Variants in CNTN6 observed in about 807,000 individuals in gnomAD.
CNTN6 encodes contactin 6.
A neutral mutation model predicts 122.8 loss-of-function variants in CNTN6; 137 were observed. That is an observed-to-expected ratio of 1.12 (90% CI 0.97 to 1.29). The LOEUF (loss-of-function observed/expected upper bound fraction) is 1.29. Ranked by LOEUF, CNTN6 falls within the 50% of genes most tolerant of loss-of-function variation. The probability of loss-of-function intolerance (pLI) is 0.00; values close to 1 mark genes in which losing one functional copy is unlikely to be tolerated. For missense variants in CNTN6, 1,634 were observed against 1,223.4 expected, an observed-to-expected ratio of 1.34 and a Z score of -5.01; for synonymous variants, 570 against 426.0, an observed-to-expected ratio of 1.34 and a Z score of -4.16.
At chr3:1,304,491 C>G (rs1002184054) in intron 7 of CNTN6, among the ~76,000 whole-genome samples, 4 of 152,084 alleles carry the variant, frequency 2.6e-5, no homozygotes, top group African/African-American at 9.7e-5. Context: ...GAATTAACTT[C>G]TAAGTATCTG....
intron 2 of CNTN6, among the ~76,000 whole-genome samples, chr3:1,179,019 A>G (rs1026468800): frequency 2.0e-5 from 3 of 152,194 alleles, no homozygotes; most frequent in Non-Finnish European, 4.4e-5. Context: ...CTGTACAAGA[A>G]GCACGGTGCC....
At chr3:1,222,067 A>AT (rs1303823573) in intron 3 of CNTN6, among the ~76,000 whole-genome samples, 2 of 152,126 alleles carry the variant, frequency 1.3e-5, no homozygotes, top group African/African-American at 4.8e-5. Context: ...CTTATCTTGA[A>AT]TTTTTTTGAG....
At chr3:1,302,390 TA>T (rs1411251665) in intron 7 of CNTN6, among the ~76,000 whole-genome samples, 3 of 152,302 alleles carry the variant, frequency 2.0e-5, no homozygotes, top group South Asian at 2.1e-4. Flanking sequence ...TAAAATCAAA[TA>T]TTTTTTTCTT....
intron 2 of CNTN6, among the ~76,000 whole-genome samples, chr3:1,176,345 A>T (rs1383375072): frequency 6.6e-6 from 1 of 152,198 alleles, no homozygotes; most frequent in Non-Finnish European, 1.5e-5. Flanking sequence ...TGAACCTGGG[A>T]TGCAGAAGTT....
At chr3:1,261,031 C>G (rs1454137603) in intron 4 of CNTN6, among the ~76,000 whole-genome samples, 3 of 152,072 alleles carry the variant, frequency 2.0e-5, no homozygotes, top group African/African-American at 7.2e-5. Flanking sequence ...TCAGAGAACT[C>G]TATGTGCGAT....
intron 11 of CNTN6, among the ~76,000 whole-genome samples, chr3:1,337,579 A>C (rs2126025058): frequency 6.6e-6 from 1 of 152,296 alleles, no homozygotes; most frequent in African/African-American, 2.4e-5. Context: ...TTAATATAAT[A>C]GTGCTTAGTA....
At chr3:1,338,972 C>G (rs1294676860) in intron 11 of CNTN6, among the ~76,000 whole-genome samples, 2 of 151,620 alleles carry the variant, frequency 1.3e-5, no homozygotes, top group East Asian at 1.9e-4. Context: ...CTGTCTATGA[C>G]AATCCAGTAG....
intron 20 of CNTN6, among the ~76,000 whole-genome samples, chr3:1,399,880 T>C (rs963623874): frequency 6.6e-6 from 1 of 152,100 alleles, no homozygotes; most frequent in Admixed American, 6.6e-5. Context: ...GATAAACCTA[T>C]AATAAAATAT....
intron 4 of CNTN6, among the ~76,000 whole-genome samples, chr3:1,243,238 C>T (rs1016510677): frequency 3.9e-5 from 6 of 152,160 alleles, no homozygotes; most frequent in African/African-American, 1.4e-4. Context: ...GCGGGCATTC[C>T]TTGGCCTGGT....
intron 2 of CNTN6, among the ~76,000 whole-genome samples, chr3:1,182,744 A>G (rs1473476544): frequency 3.3e-5 from 5 of 152,142 alleles, no homozygotes. Context: ...ATATAAAATT[A>G]TATTTCAGTT....
At position 1,346,707 on chromosome 3, in the gene CNTN6, G is replaced by A. The variant is rs1034088273; in HGVS notation, c.1365-5617G>A. ...TTACTGAGTCTCAGGGAGTCTGATAGAGCAACACTAAATGGACTAAGACAC... is the reference window on the plus strand; with the variant it reads ...TTACTGAGTCTCAGGGAGTCTGATAAAGCAACACTAAATGGACTAAGACAC... On this transcript the variant is annotated intron_variant, in intron 11 of 22. Transcript: ENST00000446702. Among the ~76,000 whole-genome samples the A allele has an allele frequency of 2.0e-5, 3 of 152,172 alleles. No individual in the cohort carries two copies. In the East Asian group the frequency reaches 5.8e-4, roughly 29 times the overall value.
intron 20 of CNTN6, among the ~76,000 whole-genome samples, chr3:1,388,774 C>T: frequency 6.7e-6 from 1 of 149,490 alleles, no homozygotes; most frequent in Non-Finnish European, 1.5e-5. Context: ...ATGCAGAAGC[C>T]TCAGGAGCCG....
intron 20 of CNTN6, among the ~76,000 whole-genome samples, chr3:1,387,077 G>T (rs548635076): frequency 9.2e-5 from 14 of 152,186 alleles, no homozygotes; most frequent in Non-Finnish European, 1.8e-4. Flanking sequence ...ATAGGACAAG[G>T]CATTCCATTT....
chr3:1,362,125 A>G (rs979266081), intron 12 of CNTN6, among the ~76,000 whole-genome samples: 1 of 152,126 alleles, frequency 6.6e-6, no homozygotes, highest in Non-Finnish European at 1.5e-5. Flanking sequence ...AGGACTTAAA[A>G]TGACTAAGAT....
rs1313237420 is a variant in CNTN6 at position 1,277,327 on chromosome 3, C to CTGTCTTTTA, written c.359-1085_359-1077dup. On this transcript the variant is annotated intron_variant, in intron 4 of 22. Transcript: ENST00000446702. Reference sequence around the variant, plus strand: ...AAACCTTCTCCCCTGAATACTACTTCTGTCTTTTAGTAGGTTTTCTTTTTT... The same window carrying CTGTCTTTTA: ...AAACCTTCTCCCCTGAATACTACTTCTGTCTTTTATGTCTTTTAGTAGGTTTTCTTTTTT... 5.5e-5 allele frequency among the ~76,000 whole-genome samples: 7 copies of CTGTCTTTTA among 127,074 alleles called. No homozygotes were observed. In the East Asian group the frequency reaches 2.2e-3, roughly 39 times the overall value. 83.4% of individuals were successfully genotyped at this position (127,074 alleles called of 152,430 possible).
intron 3 of CNTN6, among the ~76,000 whole-genome samples, chr3:1,224,410 GAGA>G (rs945879416): frequency 6.6e-5 from 10 of 152,206 alleles, no homozygotes; most frequent in African/African-American, 2.2e-4. Flanking sequence ...GGAGCTGGAA[GAGA>G]AGATTTTGAA....
chr3:1,378,961 A>C (rs546923122), intron 17 of CNTN6, among the ~76,000 whole-genome samples: 33 of 152,286 alleles, frequency 2.2e-4, no homozygotes, highest in African/African-American at 7.5e-4. Flanking sequence ...AGTCTACAAG[A>C]GAATTGTTTG....
At chr3:1,378,312 C>T (rs561579475) in intron 17 of CNTN6, among the ~76,000 whole-genome samples, 40 of 152,142 alleles carry the variant, frequency 2.6e-4, no homozygotes, top group Non-Finnish European at 4.1e-4. Context: ...AATGAACCTG[C>T]GTCCCTTATG....
Position 1,372,554 on chromosome 3 carries a change from C to G in CNTN6, c.1668+80C>G, listed in dbSNP as rs74675364. On this transcript the variant is annotated intron_variant, in intron 13 of 22. Transcript: ENST00000446702. ...AATCACCATTTTTCATAGTTACTCT[C>G]TCCATCTTTATTTGCATGGATAATC... 2.7e-3 allele frequency: 3,253 copies of G among 1,186,060 alleles called. 15 individuals are homozygous for G. Among genetic ancestry groups the G allele is most frequent in the African/African-American group, 0.021 (1,367 of 64,258 alleles). 73.5% of individuals were successfully genotyped at this position (1,186,060 alleles called of 1,614,324 possible).
Sources: allele counts gnomAD v4.1 joint callset (sites outside exome capture counted in the v4.1 genomes callset), GRCh38; gene constraint gnomAD v4.1.1; transcripts MANE v1.5; gene names NCBI Gene and HGNC (gene_info 2026-07-23, HGNC 2026-07-21).